The following UNC5D variants were observed in gnomAD, a reference collection of about 807,000 sequenced individuals.
UNC5D encodes unc-5 netrin receptor D.
UNC5D carries 39 observed loss-of-function variants against 105.4 expected under a neutral mutation model. The ratio of observed to expected loss-of-function variants is 0.37; its 90% CI spans 0.29 to 0.48. UNC5D has a LOEUF of 0.48. Ranked by LOEUF, UNC5D falls within the 20% of genes least tolerant of loss-of-function variation. The probability of loss-of-function intolerance (pLI) is 0.98; values close to 1 mark genes in which losing one functional copy is unlikely to be tolerated. For synonymous variants in UNC5D, 452 were observed against 450.4 expected, an observed-to-expected ratio of 1.00 and a Z score of -0.04; for missense variants, 991 against 1,202.4, an observed-to-expected ratio of 0.82 and a Z score of 2.60.
At chr8:35,360,327 A>C (rs1436699502) in intron 1 of UNC5D, among the ~76,000 whole-genome samples, 1 of 152,150 alleles carries the variant, frequency 6.6e-6, no homozygotes, top group South Asian at 2.1e-4. Flanking sequence ...TTCATACTAG[A>C]AGCTTTCATT....
At chr8:35,640,063 T>C (rs1411158399) in intron 4 of UNC5D, among the ~76,000 whole-genome samples, 2 of 152,102 alleles carry the variant, frequency 1.3e-5, no homozygotes, top group Non-Finnish European at 2.9e-5. Context: ...ACATGGTCCA[T>C]TTCATTTATT....
intron 13 of UNC5D, among the ~76,000 whole-genome samples, chr8:35,755,526 T>G (rs921835636): frequency 6.6e-6 from 1 of 151,502 alleles, no homozygotes; most frequent in Non-Finnish European, 1.5e-5. Flanking sequence ...CTCATAAATA[T>G]GTAAATTTAG....
intron 1 of UNC5D, among the ~76,000 whole-genome samples, chr8:35,309,206 G>A (rs1473314000): frequency 6.6e-6 from 1 of 152,070 alleles, no homozygotes; most frequent in Non-Finnish European, 1.5e-5. Context: ...ATTTCAACCT[G>A]TAGACTGGGA....
Position 35,726,262 on chromosome 8 carries a change from T to G in UNC5D, c.1414T>G (p.Ser472Ala), listed in dbSNP as rs1828860882. The G allele has an allele frequency of 3.1e-6, 5 of 1,613,734 alleles. No individual in the cohort carries two copies. The South Asian group carries it at 5.5e-5, about 18-fold the overall frequency. Residue 472 changes from serine (S) to alanine (A), a missense_variant, in exon 10 of 17, where the codon TCC (serine) becomes GCC (alanine). By Grantham distance (99) the Ser-to-Ala change is moderately conservative (BLOSUM62 1). Transcript: ENST00000404895. The part of the protein sequence containing the change: ...DPLDKELMTE[S>A]SLFNPLSDIK... ...TCTGGACAAGGAGCTCATGACAGAG[T>G]CCTCACTCTTTAACCCTTTGTCGGA... is the stretch of plus-strand genomic sequence containing the variant.
At chr8:35,675,644 A>G (rs1222768615) in intron 4 of UNC5D, among the ~76,000 whole-genome samples, 1 of 152,062 alleles carries the variant, frequency 6.6e-6, no homozygotes, top group East Asian at 1.9e-4. Context: ...TCCGTGGGAT[A>G]TGAGGGTAGA....
chr8:35,510,331 AAC>A (rs1225149431), intron 1 of UNC5D, among the ~76,000 whole-genome samples: 5 of 151,040 alleles, frequency 3.3e-5, no homozygotes, highest in African/African-American at 1.2e-4. Context: ...AAAAAAAAAA[AAC>A]ACTTTGGAGA....
At chr8:35,568,970 C>T (rs978801742) in intron 3 of UNC5D, among the ~76,000 whole-genome samples, 2 of 151,410 alleles carry the variant, frequency 1.3e-5, no homozygotes, top group African/African-American at 4.9e-5. Flanking sequence ...TTTTTATAAC[C>T]TACTGTTCAA....
chr8:35,525,099 C>T (rs1813770659), intron 1 of UNC5D: 2 of 1,495,032 alleles, frequency 1.3e-6, no homozygotes, highest in Non-Finnish European at 1.8e-6. Flanking sequence ...CCCTTCCCTC[C>T]CCCGGCCTGC....
intron 1 of UNC5D, among the ~76,000 whole-genome samples, chr8:35,453,154 C>T (rs1323567843): frequency 6.6e-6 from 1 of 152,076 alleles, no homozygotes; most frequent in African/African-American, 2.4e-5. Flanking sequence ...AAATGAATGG[C>T]ATAAGGATTA....
intron 1 of UNC5D, among the ~76,000 whole-genome samples, chr8:35,296,797 T>C (rs921133645): frequency 6.6e-6 from 1 of 152,192 alleles, no homozygotes; most frequent in African/African-American, 2.4e-5. Flanking sequence ...TATTGGTTGA[T>C]TACATTCTGT....
intron 1 of UNC5D, among the ~76,000 whole-genome samples, chr8:35,270,334 A>G (rs1325844308): frequency 1.3e-5 from 2 of 152,120 alleles, no homozygotes; most frequent in African/African-American, 2.4e-5. Context: ...AGTTTGGTGC[A>G]AGATATTGCT....
rs1425324054 is a variant in UNC5D, at chr8:35,528,499, A to G, written c.104-20793A>G. Among the ~76,000 whole-genome samples, 7 of 146,714 alleles carry G rather than the reference A, an allele frequency of 4.8e-5. 1 individual carries two copies. In the East Asian group the frequency reaches 1.0e-3, roughly 22 times the overall value. On this transcript the variant is annotated intron_variant, in intron 1 of 16. Transcript: ENST00000404895. Reference sequence around the variant, plus strand: ...CTTTGCTATTGTGAATAATGCCGCAATAAACATACGTGTGCATGTGTCTTT... The same window carrying G: ...CTTTGCTATTGTGAATAATGCCGCAGTAAACATACGTGTGCATGTGTCTTT...
At chr8:35,438,142 T>C (rs1029248022) in intron 1 of UNC5D, among the ~76,000 whole-genome samples, 1 of 151,836 alleles carries the variant, frequency 6.6e-6, no homozygotes, top group Admixed American at 6.6e-5. Flanking sequence ...CCCACACAGA[T>C]TAGTTGAGAA....
In UNC5D at chr8:35,725,010, C is replaced by G. The variant is rs1373657509; in HGVS notation, c.1304-1142C>G. Among the ~76,000 whole-genome samples, 6 of 152,254 alleles carry G rather than the reference C, an allele frequency of 3.9e-5. No homozygotes were observed. The East Asian group carries it at 5.8e-4, about 15-fold the overall frequency. On this transcript the variant is annotated intron_variant, in intron 9 of 16. Coordinates refer to ENST00000404895, the MANE Select transcript of UNC5D (RefSeq NM_080872.4). Reference sequence around the variant, plus strand: ...TTATTTCATCCAATTTGTATATTTTCCTCTGTGATTCTGGATTCTTAGAGC... The same window carrying G: ...TTATTTCATCCAATTTGTATATTTTGCTCTGTGATTCTGGATTCTTAGAGC...
Position 35,737,300 on chromosome 8 carries a change from G to GTGTGTGTGTGTT in UNC5D, c.1766+6205_1766+6206insGTGTGTGTGTTT, listed in dbSNP as rs57002738. Among the ~76,000 whole-genome samples, 461 of 130,152 alleles carry GTGTGTGTGTGTT rather than the reference G, an allele frequency of 3.5e-3. 5 individuals carry two copies. Among genetic ancestry groups the GTGTGTGTGTGTT allele is most frequent in the African/African-American group, 9.3e-3 (288 of 30,876 alleles). The allele number at this position is 130,152 out of a possible 152,430, so 85.4% of individuals were successfully genotyped here. ...TGTGTGTGTGTGTGTGTGTGTGTGT[G>GTGTGTGTGTGTT]TTAATGTGTGATGAAGGAATTGAAG... On this transcript the variant is annotated intron_variant, in intron 11 of 16. Coordinates refer to ENST00000404895, the MANE Select transcript of UNC5D (RefSeq NM_080872.4).
At chr8:35,584,214 A>G (rs1330509384) in intron 3 of UNC5D, among the ~76,000 whole-genome samples, 3 of 152,220 alleles carry the variant, frequency 2.0e-5, no homozygotes, top group African/African-American at 7.2e-5. Context: ...AGCAGGTGGC[A>G]GTGGCCCTGA....
At position 35,271,738 on chromosome 8, in the gene UNC5D, TATATTTATACATGTATACATG is replaced by T. The variant is rs1307023886; in HGVS notation, c.103+35852_103+35872del. On this transcript the variant is annotated intron_variant, in intron 1 of 16. Transcript: ENST00000404895. ...TTATACATGTATACATGTATACATA[TATATTTATACATGTATACATG>T]TATACATATATTTACATAGGCACTC... Among the ~76,000 whole-genome samples the T allele has an allele frequency of 5.1e-4, 65 of 127,546 alleles. 7 individuals are homozygous for T. Among genetic ancestry groups the T allele is most frequent in the Middle Eastern group, 4.5e-3 (1 of 222 alleles). The allele number at this position is 127,546 out of a possible 152,430, so 83.7% of individuals were successfully genotyped here.
intron 1 of UNC5D, among the ~76,000 whole-genome samples, chr8:35,482,037 T>G (rs144423540): frequency 7.5e-4 from 114 of 152,336 alleles, no homozygotes; most frequent in African/African-American, 2.7e-3. Flanking sequence ...AGATGATAGA[T>G]AGTGTGTACC....
At chr8:35,527,680 C>T (rs1308818025) in intron 1 of UNC5D, among the ~76,000 whole-genome samples, 1 of 152,056 alleles carries the variant, frequency 6.6e-6, no homozygotes, top group Non-Finnish European at 1.5e-5. Flanking sequence ...GTATCTAGGA[C>T]TACAGGCATA....
Sources: allele counts gnomAD v4.1 joint callset (sites outside exome capture counted in the v4.1 genomes callset), GRCh38; gene constraint gnomAD v4.1.1; transcripts MANE v1.5; gene names NCBI Gene and HGNC (gene_info 2026-07-23, HGNC 2026-07-21).